INSC: variants seen among roughly 807,000 people sequenced by gnomAD.
INSC encodes protein inscuteable homolog.
A neutral mutation model predicts 58.6 loss-of-function variants in INSC; 67 were observed. The ratio of observed to expected loss-of-function variants is 1.14; its 90% CI spans 0.94 to 1.40. INSC has a LOEUF of 1.40. Among genes scored for constraint, INSC ranks in the 40% most tolerant of loss-of-function variants. The probability of loss-of-function intolerance (pLI) is 0.00; values close to 1 mark genes in which losing one functional copy is unlikely to be tolerated. For missense variants in INSC, 714 were observed against 692.0 expected (o/e 1.03, Z -0.36); for synonymous variants, 262 against 276.1 (o/e 0.95, Z 0.51).
At chr11:15,222,077 C>T (rs925949580) in intron 8 of INSC, among the ~76,000 whole-genome samples, 37 of 152,176 alleles carry the variant, frequency 2.4e-4, no homozygotes, top group African/African-American at 8.0e-4. Context: ...TCAGAGAGCA[C>T]CAGCCCACCA....
rs563022856 is a variant in INSC at position 15,138,548 on chromosome 11, G to A, written c.-45-10582G>A. 3.9e-5 allele frequency among the ~76,000 whole-genome samples: 6 copies of A among 152,240 alleles called. No individual in the cohort carries two copies. The South Asian group carries it at 6.2e-4, about 16-fold the overall frequency. Reference sequence around the variant, plus strand: ...TTAAATCATATCTCTTCTATGGGACGCTTTGCTTCTTTCCAACATATTTAA... The same window carrying A: ...TTAAATCATATCTCTTCTATGGGACACTTTGCTTCTTTCCAACATATTTAA... On this transcript the variant is annotated intron_variant, in intron 1 of 12. Transcript: ENST00000379556.
At chr11:15,221,776 T>C in intron 8 of INSC, 128 bp downstream of exon 8, 1 of 819,482 alleles carries the variant, frequency 1.2e-6, no homozygotes, top group East Asian at 2.9e-5. Flanking sequence ...TAGATGATCA[T>C]ATTTGCTGAA....
chr11:15,131,877 C>T (rs1325251161), intron 1 of INSC, among the ~76,000 whole-genome samples: 1 of 152,112 alleles, frequency 6.6e-6, no homozygotes, highest in Admixed American at 6.5e-5. Flanking sequence ...GCATGCACAA[C>T]TTCCAACCCC....
intron 1 of INSC, among the ~76,000 whole-genome samples, chr11:15,148,126 C>A (rs1848541246): frequency 6.6e-6 from 1 of 152,178 alleles, no homozygotes; most frequent in Admixed American, 6.5e-5. Flanking sequence ...ATGTGAGGCA[C>A]AGGGAAGCCA....
chr11:15,116,683 A>C (rs1847703381), intron 1 of INSC, among the ~76,000 whole-genome samples: 1 of 152,010 alleles, frequency 6.6e-6, no homozygotes, highest in South Asian at 2.1e-4. Context: ...GGGAAGTTAG[A>C]AAGATGGTAT....
intron 5 of INSC, among the ~76,000 whole-genome samples, chr11:15,187,604 A>G (rs918039458): frequency 2.0e-5 from 3 of 152,344 alleles, no homozygotes; most frequent in Admixed American, 6.5e-5. Flanking sequence ...ATTGACAGAC[A>G]ATGAAAAATA....
intron 1 of INSC, among the ~76,000 whole-genome samples, chr11:15,144,214 C>T (rs192185656): frequency 6.6e-6 from 1 of 152,290 alleles, no homozygotes; most frequent in South Asian, 2.1e-4. Flanking sequence ...GAAATGGGTT[C>T]ATATGTTAGA....
At chr11:15,169,408 G>T (rs1469593622) in intron 2 of INSC, among the ~76,000 whole-genome samples, 1 of 152,178 alleles carries the variant, frequency 6.6e-6, no homozygotes, top group East Asian at 1.9e-4. Context: ...TCTGTTCCTG[G>T]CTCTTTAGCC....
At chr11:15,116,857 C>CTTTA (rs1361772636) in intron 1 of INSC, among the ~76,000 whole-genome samples, 1 of 49,654 alleles carries the variant, frequency 2.0e-5, no homozygotes, top group Non-Finnish European at 3.9e-5. Flanking sequence ...TTCTCTCTCT[C>CTTTA]TCTCTCTCTC....
intron 1 of INSC, among the ~76,000 whole-genome samples, chr11:15,144,133 A>G (rs1848437156): frequency 1.3e-5 from 2 of 152,190 alleles, no homozygotes; most frequent in Non-Finnish European, 2.9e-5. Flanking sequence ...TGGCTTTTTA[A>G]GTTTCTATGT....
chr11:15,130,383 C>T (rs1848097337), intron 1 of INSC, among the ~76,000 whole-genome samples: 1 of 152,100 alleles, frequency 6.6e-6, no homozygotes, highest in African/African-American at 2.4e-5. Context: ...TAGTGAGTTT[C>T]ACTGATCTGT....
chr11:15,219,921 GT>G (rs1287875005), intron 7 of INSC, among the ~76,000 whole-genome samples: 1 of 151,086 alleles, frequency 6.6e-6, no homozygotes, highest in African/African-American at 2.5e-5. Context: ...CTGAAGGCCT[GT>G]TAGTTAAACA....
intron 8 of INSC, among the ~76,000 whole-genome samples, chr11:15,224,193 G>A (rs1411733852): frequency 5.9e-5 from 9 of 152,190 alleles, no homozygotes; most frequent in Non-Finnish European, 2.9e-5. Context: ...AATATGTACA[G>A]CAGTGAGTAA....
At chr11:15,232,341 G>A (rs7951887) in intron 9 of INSC, among the ~76,000 whole-genome samples, 1,584 of 152,246 alleles carry the variant, frequency 0.01, 25 homozygotes, top group African/African-American at 0.036. Context: ...TGCCCAGAGC[G>A]AGCCATATTT....
chr11:15,200,321 G>T (rs185176520), intron 6 of INSC, among the ~76,000 whole-genome samples: 3 of 151,488 alleles, frequency 2.0e-5, no homozygotes, highest in African/African-American at 7.3e-5. Context: ...CATTTTTTTT[G>T]CCTGCCTCCT....
chr11:15,152,915 A>G (rs1158542588), intron 2 of INSC, among the ~76,000 whole-genome samples: 2 of 152,236 alleles, frequency 1.3e-5, no homozygotes, highest in African/African-American at 4.8e-5. Context: ...TGACAGGTAG[A>G]GAGCTAGGAT....
At chr11:15,206,009 G>C (rs1256802916) in intron 7 of INSC, among the ~76,000 whole-genome samples, 3 of 152,186 alleles carry the variant, frequency 2.0e-5, no homozygotes, top group Admixed American at 2.0e-4. Context: ...TCTTTTCAGA[G>C]CTGTCACGTG....
intron 2 of INSC, among the ~76,000 whole-genome samples, chr11:15,153,431 G>T (rs572419355): frequency 6.6e-6 from 1 of 152,348 alleles, no homozygotes; most frequent in East Asian, 1.9e-4. Flanking sequence ...TCTCCATGTA[G>T]ATAATGGCTT....
chr11:15,169,274 G>A (rs1230766164), intron 2 of INSC, among the ~76,000 whole-genome samples: 2 of 152,162 alleles, frequency 1.3e-5, no homozygotes, highest in East Asian at 3.9e-4. Context: ...CAGATGATGA[G>A]GGCCCGACTG....
Sources: allele counts gnomAD v4.1 joint callset (sites outside exome capture counted in the v4.1 genomes callset), GRCh38; gene constraint gnomAD v4.1.1; transcripts MANE v1.5; gene names NCBI Gene and HGNC (gene_info 2026-07-23, HGNC 2026-07-21).